Variants in TYW1 observed in about 807,000 individuals in gnomAD.
TYW1 encodes S-adenosyl-L-methionine-dependent tRNA 4-demethylwyosine synthase TYW1.
In TYW1, 46 loss-of-function variants were observed where a neutral mutation model predicts 96.2. That is an observed-to-expected ratio of 0.48 (90% confidence interval 0.38 to 0.61). TYW1 has a LOEUF of 0.61. Among genes scored for constraint, TYW1 ranks in the 20% least tolerant of loss-of-function variants. TYW1 has a pLI of 0.00. For synonymous variants in TYW1, 274 were observed against 323.0 expected (o/e 0.85, Z 1.63); for missense variants, 684 against 909.6 (o/e 0.75, Z 3.19).
chr7:67,149,010 A>C (rs1286740907), intron 13 of TYW1, among the ~76,000 whole-genome samples: 1 of 151,618 alleles, frequency 6.6e-6, no homozygotes, highest in Non-Finnish European at 1.5e-5. Context: ...ACCACCCCCA[A>C]CCCCCGGTCT....
intron 4 of TYW1, among the ~76,000 whole-genome samples, chr7:67,010,254 C>T (rs1364193661): frequency 6.6e-6 from 1 of 152,050 alleles, no homozygotes; most frequent in East Asian, 1.9e-4. Flanking sequence ...GCCTTGGCCT[C>T]CCAAAGTGCT....
At chr7:67,210,542 C>G (rs1800965991) in intron 15 of TYW1, among the ~76,000 whole-genome samples, 2 of 152,200 alleles carry the variant, frequency 1.3e-5, no homozygotes, top group Admixed American at 1.3e-4. Flanking sequence ...GGCAGAGTAT[C>G]TATGTAAGTT....
chr7:67,116,093 A>G (rs978383479), intron 12 of TYW1, among the ~76,000 whole-genome samples: 2 of 152,204 alleles, frequency 1.3e-5, no homozygotes, highest in African/African-American at 2.4e-5. Flanking sequence ...TGGGAGGCCA[A>G]GGTGTGTGGA....
intron 13 of TYW1, among the ~76,000 whole-genome samples, chr7:67,135,451 C>T (rs1798221541): frequency 6.6e-6 from 1 of 151,734 alleles, no homozygotes; most frequent in Non-Finnish European, 1.5e-5. Context: ...ATTACAGGCA[C>T]ATGCCACCAC....
At chr7:67,125,132 C>G (rs1797874709) in intron 13 of TYW1, among the ~76,000 whole-genome samples, 2 of 152,208 alleles carry the variant, frequency 1.3e-5, no homozygotes, top group African/African-American at 4.8e-5. Flanking sequence ...TGCGCCTGGC[C>G]TGTCTTTGCC....
chr7:67,169,948 C>G (rs1205817880), intron 13 of TYW1, among the ~76,000 whole-genome samples: 1 of 152,164 alleles, frequency 6.6e-6, no homozygotes, highest in East Asian at 1.9e-4. Context: ...ACTTGAAGCA[C>G]AGAAAGTTTT....
intron 14 of TYW1, among the ~76,000 whole-genome samples, chr7:67,185,734 A>G (rs1434645221): frequency 6.6e-6 from 1 of 152,186 alleles, no homozygotes; most frequent in African/African-American, 2.4e-5. Flanking sequence ...CAGGGGTAAG[A>G]TAGGGCTAGA....
chr7:67,064,643 A>G (rs957961898), intron 9 of TYW1, among the ~76,000 whole-genome samples: 5 of 152,198 alleles, frequency 3.3e-5, no homozygotes, highest in African/African-American at 1.2e-4. Flanking sequence ...ATCTTGTGAG[A>G]CTTATTCACT....
At chr7:67,204,584 T>C (rs1800717664) in intron 15 of TYW1, among the ~76,000 whole-genome samples, 2 of 146,232 alleles carry the variant, frequency 1.4e-5, no homozygotes, top group Admixed American at 7.0e-5. Flanking sequence ...CTTCCTTCTT[T>C]CTTCTTCTTC....
chr7:67,211,611 A>G (rs1418924245), intron 15 of TYW1, among the ~76,000 whole-genome samples: 3 of 152,206 alleles, frequency 2.0e-5, no homozygotes, highest in Non-Finnish European at 2.9e-5. Context: ...CCTATATTCA[A>G]GTGAACACAC....
In TYW1 at chr7:67,011,639, A is replaced by C. The variant is rs571553624; in HGVS notation, c.375+1955A>C. Reference sequence around the variant, plus strand: ...GTAATCCCAGCACTTTGGGAGGCTGAGGTAGGTGGATCACCTGAGGTCAGG... The same window carrying C: ...GTAATCCCAGCACTTTGGGAGGCTGCGGTAGGTGGATCACCTGAGGTCAGG... On this transcript the variant is annotated intron_variant, in intron 4 of 15. Coordinates refer to ENST00000359626, the MANE Select transcript of TYW1 (RefSeq NM_018264.4). 4.5e-4 allele frequency among the ~76,000 whole-genome samples: 68 copies of C among 152,148 alleles called. No homozygotes were observed. The East Asian group carries it at 0.012, about 28-fold the overall frequency.
chr7:67,144,387 A>G (rs1038009769), intron 13 of TYW1, among the ~76,000 whole-genome samples: 1 of 152,266 alleles, frequency 6.6e-6, no homozygotes, highest in Non-Finnish European at 1.5e-5. Flanking sequence ...TCTGAAGAGT[A>G]TATGAACAGA....
intron 13 of TYW1, among the ~76,000 whole-genome samples, chr7:67,145,566 T>C (rs2116134823): frequency 6.6e-6 from 1 of 152,322 alleles, no homozygotes; most frequent in Non-Finnish European, 1.5e-5. Flanking sequence ...GTTGGTGCTC[T>C]CAGCTAGGAG....
At chr7:67,234,347 T>TCAAAAAAAAA (rs1455943199) in intron 15 of TYW1, among the ~76,000 whole-genome samples, 1 of 81,212 alleles carries the variant, frequency 1.2e-5, no homozygotes, top group African/African-American at 6.1e-5. Flanking sequence ...AACCTATCTC[T>TCAAAAAAAAA]TAAAAAAAAA....
intron 7 of TYW1, among the ~76,000 whole-genome samples, chr7:67,043,294 A>T (rs1287341351): frequency 6.6e-6 from 1 of 150,450 alleles, no homozygotes; most frequent in African/African-American, 2.4e-5. Flanking sequence ...GAGCCTGATA[A>T]TTTTTATATT....
chr7:67,055,596 T>TA (rs376462145), intron 8 of TYW1, among the ~76,000 whole-genome samples: 24,429 of 139,782 alleles, frequency 0.17, 2,165 homozygotes, highest in Non-Finnish European at 0.21. Context: ...GGGACTGTCT[T>TA]AAAAAAAAAA....
At chr7:67,040,900 G>A (rs1259867669) in intron 7 of TYW1, among the ~76,000 whole-genome samples, 1 of 152,070 alleles carries the variant, frequency 6.6e-6, no homozygotes, top group African/African-American at 2.4e-5. Flanking sequence ...AAGAGTTTGG[G>A]ATAATTTGTG....
intron 4 of TYW1, among the ~76,000 whole-genome samples, chr7:67,011,240 G>GCACA (rs1425876821): frequency 1.3e-5 from 2 of 152,170 alleles, no homozygotes; most frequent in African/African-American, 4.8e-5. Flanking sequence ...GTTTCACTGT[G>GCACA]TTGGCCAGGC....
At chr7:67,140,577 C>T (rs1798418805) in intron 13 of TYW1, among the ~76,000 whole-genome samples, 1 of 151,184 alleles carries the variant, frequency 6.6e-6, no homozygotes. Context: ...AGAAACAAAT[C>T]CTTTAATGAA....
Sources: gnomAD v4.1 joint callset for allele counts (sites outside exome capture counted in the v4.1 genomes callset) on GRCh38, gnomAD v4.1.1 for gene constraint, MANE v1.5 for transcripts, NCBI Gene and HGNC (gene_info 2026-07-23, HGNC 2026-07-21) for gene names.